The following RPH3A variants were observed in gnomAD, a reference collection of about 807,000 sequenced individuals.
RPH3A encodes rabphilin 3A.
Under a neutral mutation model 102.2 loss-of-function variants are expected in RPH3A, and 48 were observed. The observed-to-expected ratio is 0.47, with a 90% CI of 0.37 to 0.60. RPH3A has a LOEUF of 0.60. RPH3A is among the 20% of genes least tolerant of loss of function. The pLI, the probability that RPH3A is intolerant of heterozygous loss-of-function variation, is 0.00. For missense variants in RPH3A, 781 were observed against 910.1 expected (o/e 0.86, Z 1.83); for synonymous variants, 310 against 324.3 (o/e 0.96, Z 0.47).
At chr12:112,684,554 AACC>A (rs1479332963) in intron 1 of RPH3A, among the ~76,000 whole-genome samples, 2 of 152,118 alleles carry the variant, frequency 1.3e-5, no homozygotes, top group African/African-American at 4.8e-5. Context: ...AGGCATGAGC[AACC>A]ACACCTGGCC....
intron 1 of RPH3A, among the ~76,000 whole-genome samples, chr12:112,767,448 G>T (rs1349602689): frequency 3.3e-5 from 5 of 152,138 alleles, no homozygotes; most frequent in Non-Finnish European, 7.4e-5. Context: ...ACACTGAACT[G>T]CATGGCGTGG....
chr12:112,593,813 C>T (rs139155247), intron 1 of RPH3A, among the ~76,000 whole-genome samples: 164 of 152,274 alleles, frequency 1.1e-3, no homozygotes, highest in African/African-American at 3.7e-3. Flanking sequence ...GACTCCTACC[C>T]ATCTTTTCAG....
intron 1 of RPH3A, among the ~76,000 whole-genome samples, chr12:112,659,560 A>T (rs1415510277): frequency 1.3e-5 from 2 of 152,198 alleles, no homozygotes; most frequent in Non-Finnish European, 2.9e-5. Context: ...ATTCAATTTG[A>T]TCACTTGATT....
At chr12:112,876,990 A>C in intron 13 of RPH3A, 124 bp downstream of exon 13, 1 of 562,268 alleles carries the variant, frequency 1.8e-6, no homozygotes, top group Non-Finnish European at 2.9e-6. Context: ...AGACCTAATA[A>C]ACATATTAAC....
At chr12:112,686,547 C>A in intron 1 of RPH3A, among the ~76,000 whole-genome samples, 1 of 152,204 alleles carries the variant, frequency 6.6e-6, no homozygotes, top group South Asian at 2.1e-4. Flanking sequence ...TCAGCCTGGG[C>A]TAGCCTGCTG....
At chr12:112,700,490 A>G (rs1415261508) in intron 1 of RPH3A, among the ~76,000 whole-genome samples, 1 of 152,100 alleles carries the variant, frequency 6.6e-6, no homozygotes, top group Non-Finnish European at 1.5e-5. Context: ...GAAATGGGGA[A>G]ATCTATTTTT....
chr12:112,586,341 T>G (rs920747184), intron 1 of RPH3A, among the ~76,000 whole-genome samples: 2 of 152,160 alleles, frequency 1.3e-5, no homozygotes, highest in Non-Finnish European at 2.9e-5. Context: ...ACTTGCAGGT[T>G]GTGCTAAGTG....
At chr12:112,723,875 C>T (rs1466696476) in intron 1 of RPH3A, among the ~76,000 whole-genome samples, 1 of 152,134 alleles carries the variant, frequency 6.6e-6, no homozygotes, top group Non-Finnish European at 1.5e-5. Context: ...ACATATCTCT[C>T]AACTGCCAGT....
chr12:112,862,964 T>C (rs3948714), intron 5 of RPH3A, among the ~76,000 whole-genome samples: 74,198 of 151,012 alleles, frequency 0.49, 18,936 homozygotes, highest in African/African-American at 0.62. Context: ...TGGGACCCAG[T>C]CCATGGAGGG....
At chr12:112,780,833 T>G (rs2136078059) in intron 1 of RPH3A, among the ~76,000 whole-genome samples, 1 of 152,188 alleles carries the variant, frequency 6.6e-6, no homozygotes. Context: ...AAGACTGACT[T>G]AAGAATGACA....
At chr12:112,656,806 T>TAC (rs2040015816) in intron 1 of RPH3A, among the ~76,000 whole-genome samples, 1 of 151,774 alleles carries the variant, frequency 6.6e-6, no homozygotes, top group Admixed American at 6.6e-5. Context: ...TATATATATA[T>TAC]ACATATATAT....
At chr12:112,847,898 G>T (rs1565917197) in intron 5 of RPH3A, 56 bp downstream of exon 5, 3 of 1,589,408 alleles carry the variant, frequency 1.9e-6, no homozygotes, top group Non-Finnish European at 2.6e-6. Flanking sequence ...AGGGTGTGCT[G>T]GGCTGGAGCA....
intron 3 of RPH3A, chr12:112,831,622 G>T: frequency 1.5e-5 from 4 of 260,380 alleles, no homozygotes; most frequent in South Asian, 3.7e-5. Flanking sequence ...CCTGAATCTT[G>T]GTGCTTCTTG....
intron 1 of RPH3A, among the ~76,000 whole-genome samples, chr12:112,665,819 T>C (rs908214503): frequency 1.3e-5 from 2 of 152,158 alleles, no homozygotes; most frequent in Non-Finnish European, 2.9e-5. Context: ...GTGAATTCAT[T>C]TGATAAAAAG....
At chr12:112,742,654 G>C (rs1455161876) in intron 1 of RPH3A, among the ~76,000 whole-genome samples, 1 of 152,166 alleles carries the variant, frequency 6.6e-6, no homozygotes, top group African/African-American at 2.4e-5. Context: ...TGTCAGGGCT[G>C]GGGGAGAAAG....
At chr12:112,739,579 C>T (rs2040693926) in intron 1 of RPH3A, among the ~76,000 whole-genome samples, 1 of 152,204 alleles carries the variant, frequency 6.6e-6, no homozygotes, top group African/African-American at 2.4e-5. Flanking sequence ...TTGGCTGTTA[C>T]ATTCTTCCAT....
At chr12:112,894,735 A>G in intron 20 of RPH3A, 76 bp downstream of exon 20, 6 of 1,228,708 alleles carry the variant, frequency 4.9e-6, no homozygotes, top group Non-Finnish European at 6.9e-6. Flanking sequence ...CCACATAGCC[A>G]TTAAATATGT....
At chr12:112,679,671 C>A (rs1489605622) in intron 1 of RPH3A, among the ~76,000 whole-genome samples, 1 of 152,164 alleles carries the variant, frequency 6.6e-6, no homozygotes, top group Non-Finnish European at 1.5e-5. Context: ...AGTGATCCTC[C>A]CGTCCTGGCC....
rs773345130 is a variant in RPH3A at position 112,881,912 on chromosome 12, C to T, written c.1326+66C>T. On this transcript the variant is annotated intron_variant, in intron 15 of 21. Coordinates refer to ENST00000389385, the MANE Select transcript of RPH3A (RefSeq NM_001143854.2). ...GGCCCTGGCAGATACCCAGGGTTCT[C>T]AGCTCAGAGCCCAAAATAGCCTTAT... is the stretch of plus-strand genomic sequence containing the variant. 771 of 1,308,336 alleles carry T rather than the reference C, an allele frequency of 5.9e-4. 3 individuals carry two copies. Among genetic ancestry groups the T allele is most frequent in the Non-Finnish European group, 7.7e-4 (718 of 928,120 alleles). The allele number at this position is 1,308,336 out of a possible 1,614,324, so 81.0% of individuals were successfully genotyped here.
Sources: allele counts gnomAD v4.1 joint callset (sites outside exome capture counted in the v4.1 genomes callset), GRCh38; gene constraint gnomAD v4.1.1; transcripts MANE v1.5; gene names NCBI Gene and HGNC (gene_info 2026-07-23, HGNC 2026-07-21).